The following CEP295 variants were observed in gnomAD, a reference collection of about 807,000 sequenced individuals.
The protein encoded by CEP295 is centrosomal protein 295.
CEP295 carries 190 observed loss-of-function variants against 291.6 expected under a neutral mutation model. The ratio of observed to expected loss-of-function variants is 0.65; its 90% confidence interval spans 0.58 to 0.73. The LOEUF (loss-of-function observed/expected upper bound fraction) is 0.73. CEP295 is among the 30% of genes least tolerant of loss of function. The probability of loss-of-function intolerance (pLI) is 0.00; values close to 1 mark genes in which losing one functional copy is unlikely to be tolerated. For synonymous variants in CEP295, 993 were observed against 1,038.8 expected (o/e 0.96, Z 0.85); for missense variants, 2,863 against 2,949.4 (o/e 0.97, Z 0.68).
In CEP295 at chr11:93,699,029, CG is replaced by C. The variant is rs1290252380; in HGVS notation, c.4120del (p.Glu1374LysfsTer26). On this transcript the variant is annotated frameshift_variant, in exon 15 of 30. Transcript: ENST00000325212. LOFTEE classifies it high-confidence loss of function. ...EAIILARQEAREELLLHQSEW... is the reference protein window; with the variant it reads ...EAIILARQEAXEELLLHQSEW... ...CATCATTCTAGCTAGACAAGAAGCT[CG>C]GGAAGAATTACTTTTACATCAGAGT... 1.3e-6 allele frequency: 2 copies of C among 1,546,582 alleles called. No individual in the cohort carries two copies. The highest frequency in any genetic ancestry group is 2.7e-5 in the African/African-American group (2 of 73,024).
At position 93,688,729 on chromosome 11, in the gene CEP295, TCA is replaced by T. The variant is rs551320258; in HGVS notation, c.1336+868_1336+869del. 5.6e-4 allele frequency among the ~76,000 whole-genome samples: 86 copies of T among 152,324 alleles called. 1 individual carries two copies. Among genetic ancestry groups the T allele is most frequent in the South Asian group, 2.5e-3 (12 of 4,828 alleles). On this transcript the variant is annotated intron_variant, in intron 10 of 29. Coordinates refer to ENST00000325212, the MANE Select transcript of CEP295 (RefSeq NM_033395.2). ...AAAACTCCCTAGTTGATCTCAAATG[TCA>T]CACTTTACATTATCATCTGTAAACT...
chr11:93,682,481 C>T (rs1477685102), intron 7 of CEP295, among the ~76,000 whole-genome samples: 1 of 152,194 alleles, frequency 6.6e-6, no homozygotes, highest in Non-Finnish European at 1.5e-5. Context: ...GCCTTGGCCT[C>T]CCAAAGTGCT....
rs547276028 is a variant in CEP295 at position 93,683,759 on chromosome 11, A to G, written c.949+17A>G. On this transcript the variant is annotated intron_variant, in intron 8 of 29. Transcript: ENST00000325212. ...CAGACAGGAGTAAGATATTTTCAGTAGGGCTTTCAATAGTGATTTTATACG... is the reference window on the plus strand; with the variant it reads ...CAGACAGGAGTAAGATATTTTCAGTGGGGCTTTCAATAGTGATTTTATACG... 3 of 1,521,164 alleles carry G rather than the reference A, an allele frequency of 2.0e-6. No homozygotes were observed. The highest frequency in any genetic ancestry group is 2.4e-5 in the Admixed American group (1 of 41,138). The allele number at this position is 1,521,164 out of a possible 1,614,324, so 94.2% of individuals were successfully genotyped here.
rs1938156113 is a variant in CEP295 at position 93,729,855 on chromosome 11, CTT to C, written c.7568-12_7568-11del. The stretch of plus-strand genomic sequence containing the variant: ...GCCTTGTGTTTACAACTTGATTTCA[CTT>C]TTCTTTCCTCAGGTTCATCTGTGAG... On this transcript the variant is annotated splice_polypyrimidine_tract_variant and intron_variant, in intron 27 of 29. Transcript: ENST00000325212. The C allele has an allele frequency of 3.3e-6, 5 of 1,537,740 alleles. No individual in the cohort carries two copies. The highest frequency in any genetic ancestry group is 1.4e-5 in the African/African-American group (1 of 71,826).
Position 93,725,842 on chromosome 11 carries a change from C to T in CEP295, c.6499+11C>T. The T allele has an allele frequency of 6.5e-7, 1 of 1,545,320 alleles. No homozygotes were observed. The highest frequency in any genetic ancestry group is 8.7e-7 in the Non-Finnish European group (1 of 1,144,272). Reference sequence around the variant, plus strand: ...AAAATATTATTGGGGGTATGTATGACTAAGTTAGAAAAAGTTAATTTTTCC... The same window carrying T: ...AAAATATTATTGGGGGTATGTATGATTAAGTTAGAAAAAGTTAATTTTTCC... On this transcript the variant is annotated intron_variant, in intron 23 of 29. Transcript: ENST00000325212.
intron 18 of CEP295, among the ~76,000 whole-genome samples, chr11:93,716,685 T>C (rs1043227962): frequency 6.6e-6 from 1 of 152,224 alleles, no homozygotes; most frequent in African/African-American, 2.4e-5. Flanking sequence ...CTTACAGTGG[T>C]GTGAAAGCAG....
chr11:93,700,702 A>G (rs182770550), intron 15 of CEP295, among the ~76,000 whole-genome samples: 1 of 152,176 alleles, frequency 6.6e-6, no homozygotes, highest in East Asian at 1.9e-4. Context: ...AAGCTCAATT[A>G]ATTTCACCTG....
At chr11:93,686,187 C>T (rs934592297) in intron 9 of CEP295, among the ~76,000 whole-genome samples, 23 of 151,930 alleles carry the variant, frequency 1.5e-4, no homozygotes, top group South Asian at 2.1e-4. Context: ...GGTGTAGTGG[C>T]GCTCACCTGT....
Position 93,691,949 on chromosome 11 carries a change from C to T in CEP295, c.1452C>T (p.Ile484=). The T allele has an allele frequency of 1.3e-6, 2 of 1,544,584 alleles. No individual in the cohort carries two copies. The highest frequency in any genetic ancestry group is 1.8e-6 in the Non-Finnish European group (2 of 1,141,656). Residue 484 remains isoleucine (I), a synonymous_variant, in exon 12 of 30, where the codon ATC becomes ATT. Transcript: ENST00000325212. ...TAGAAATAAATGAGACTCTGCCTAT[C>T]ACAACTGTAGCTCAGAGTTCAGTTC... The part of the protein sequence containing the change: ...KEQEINETLP[I]TTVAQSSVLL...
intron 6 of CEP295, among the ~76,000 whole-genome samples, chr11:93,679,072 A>G (rs561611917): frequency 2.6e-3 from 402 of 152,134 alleles, no homozygotes; most frequent in Non-Finnish European, 4.7e-3. Context: ...GGACAGGCTG[A>G]CCTCAGGTGA....
chr11:93,698,114 A>T lies in CEP295; in HGVS notation c.3202A>T (p.Arg1068Trp). 1 of 1,552,198 alleles carries T rather than the reference A, an allele frequency of 6.4e-7. No individual in the cohort carries two copies. Among genetic ancestry groups the T allele is most frequent in the Non-Finnish European group, 8.7e-7 (1 of 1,147,086 alleles). Residue 1068 changes from arginine to tryptophan, a missense_variant, in exon 15 of 30, where the codon AGG (arginine) becomes TGG (tryptophan). By Grantham distance (101) the Arg-to-Trp change is moderately radical (BLOSUM62 -3). This residue lies in a region of CEP295 where 2,295 missense variants were observed against 2,335.7 expected (regional missense o/e 0.98). Coordinates refer to ENST00000325212, the MANE Select transcript of CEP295 (RefSeq NM_033395.2). ...KLLQEQLTKQ[R>W]DTLQARHEAQ... Reference sequence around the variant, plus strand: ...GCTCCAAGAACAGTTGACTAAACAGAGGGATACTCTTCAGGCTAGGCATGA... The same window carrying T: ...GCTCCAAGAACAGTTGACTAAACAGTGGGATACTCTTCAGGCTAGGCATGA...
chr11:93,682,664 T>A (rs1591008518), intron 7 of CEP295, among the ~76,000 whole-genome samples: 1 of 152,224 alleles, frequency 6.6e-6, no homozygotes, highest in East Asian at 1.9e-4. Context: ...ACCTTTTTGC[T>A]GCATACTGTA....
At chr11:93,703,032 C>A in intron 17 of CEP295, 113 bp downstream of exon 17, 2 of 843,878 alleles carry the variant, frequency 2.4e-6, no homozygotes, top group Middle Eastern at 3.7e-4. Flanking sequence ...GGTGTGATCT[C>A]AGCTCACTGA....
At position 93,699,399 on chromosome 11, in the gene CEP295, A is replaced by G. The variant is rs573288510; in HGVS notation, c.4487A>G (p.His1496Arg). The G allele has an allele frequency of 2.0e-4, 317 of 1,551,810 alleles. 3 individuals carry two copies. In the South Asian group the frequency reaches 3.5e-3, roughly 17 times the overall value. ...CKFEEKVSSE[H>R]FIQSHHGDLQ... ...TTTGAGGAAAAGGTATCTTCTGAGC[A>G]TTTTATCCAGTCTCACCATGGTGAT... is the stretch of plus-strand genomic sequence containing the variant. Residue 1496 changes from histidine to arginine, a missense_variant, in exon 15 of 30, where the codon CAT becomes CGT. This residue lies in a region of CEP295 where 2,295 missense variants were observed against 2,335.7 expected (regional missense o/e 0.98). Transcript: ENST00000325212.
chr11:93,690,430 G>T (rs966743615), intron 10 of CEP295, among the ~76,000 whole-genome samples: 1 of 151,984 alleles, frequency 6.6e-6, no homozygotes. Flanking sequence ...GTGGTTGTGG[G>T]TGCCTGTAGT....
At chr11:93,706,383 A>G (rs1267355330) in intron 17 of CEP295, among the ~76,000 whole-genome samples, 2 of 152,320 alleles carry the variant, frequency 1.3e-5, no homozygotes, top group East Asian at 3.9e-4. Context: ...CTTCCCAGTT[A>G]TCATCCCCTG....
rs950737352 is a variant in CEP295 at position 93,687,627 on chromosome 11, C to G, written c.1115-17C>G. The G allele has an allele frequency of 1.4e-6, 2 of 1,400,726 alleles. No individual in the cohort carries two copies. Among genetic ancestry groups the G allele is most frequent in the African/African-American group, 2.9e-5 (2 of 68,816 alleles). The allele number at this position is 1,400,726 out of a possible 1,614,324, so 86.8% of individuals were successfully genotyped here. A position where few individuals can be genotyped will look rare whatever the true frequency, so the allele number is the denominator to read the frequency against. On this transcript the variant is annotated splice_polypyrimidine_tract_variant and intron_variant, in intron 9 of 29. Transcript: ENST00000325212. ...AATAGATGCTAAATAAGTTTTTTCC[C>G]TTTTTCTTTCTTTTAGTTCCCTTGG...
chr11:93,702,441 C>T lies in CEP295; in HGVS notation c.5275-19C>T. On this transcript the variant is annotated intron_variant, in intron 15 of 29. Coordinates refer to ENST00000325212, the MANE Select transcript of CEP295 (RefSeq NM_033395.2). ...ATCCCCCAACTTGTGCTTCCCCACC[C>T]TCATCTCCACTTTTTCAGATAAGTA... 1 of 1,503,016 alleles carries T rather than the reference C, an allele frequency of 6.7e-7. No homozygotes were observed. Among genetic ancestry groups the T allele is most frequent in the East Asian group, 2.5e-5 (1 of 40,482 alleles). The allele number at this position is 1,503,016 out of a possible 1,614,324, so 93.1% of individuals were successfully genotyped here. A position where few individuals can be genotyped will look rare whatever the true frequency, so the allele number is the denominator to read the frequency against.
intron 12 of CEP295, among the ~76,000 whole-genome samples, chr11:93,694,406 G>A (rs568447527): frequency 5.1e-4 from 78 of 152,224 alleles, no homozygotes; most frequent in African/African-American, 1.8e-3. Flanking sequence ...ACTGATAGAA[G>A]ATTTACTTTT....
Sources: gnomAD v4.1 joint callset for allele counts (sites outside exome capture counted in the v4.1 genomes callset) on GRCh38, gnomAD v4.1.1 for gene constraint, gnomAD v4.1.1 regional missense constraint, MANE v1.5 for transcripts, NCBI Gene and HGNC (gene_info 2026-07-23, HGNC 2026-07-21) for gene names.